Variants in PDE4C observed in about 807,000 individuals in gnomAD.
PDE4C encodes the protein phosphodiesterase 4C.
Under a neutral mutation model 63.9 loss-of-function variants are expected in PDE4C, and 50 were observed. The observed-to-expected ratio is 0.78, with a 90% CI of 0.62 to 0.99. The LOEUF (loss-of-function observed/expected upper bound fraction) is 0.99, where lower values mean the gene tolerates loss of function less well. Ranked by LOEUF, PDE4C falls within the 50% of genes least tolerant of loss-of-function variation. PDE4C has a pLI of 0.00. For synonymous variants in PDE4C, 377 were observed against 385.1 expected, an observed-to-expected ratio of 0.98 and a Z score of 0.25; for missense variants, 777 against 899.1, an observed-to-expected ratio of 0.86 and a Z score of 1.74.
Position 18,220,778 on chromosome 19 carries a change from A to G in PDE4C, c.499+96T>C, listed in dbSNP as rs759665533. ...TTTTTGCAGGGGCGGGGCTACAATT[A>G]GCCCCAGTATAAGGGGCTCATGGAC... is the stretch of plus-strand genomic sequence containing the variant. On this transcript the variant is annotated intron_variant, in intron 5 of 14. Transcript: ENST00000262805. The surrounding 1 kb of genome is among the most constrained non-coding windows in gnomAD (Gnocchi z 5.1). The G allele has an allele frequency of 2.5e-6, 3 of 1,208,566 alleles. No individual in the cohort carries two copies. The highest frequency in any genetic ancestry group is 4.8e-5 in the East Asian group (2 of 41,900). 74.9% of individuals were successfully genotyped at this position (1,208,566 alleles called of 1,614,324 possible).
chr19:18,240,281 C>A (rs1969014647), intron 1 of PDE4C, among the ~76,000 whole-genome samples: 1 of 151,510 alleles, frequency 6.6e-6, no homozygotes, highest in African/African-American at 2.4e-5. Flanking sequence ...TATAAATTAG[C>A]CAGGTGTGGT....
exon 1 of PDE4C, chr19:18,233,327 G>T: frequency 8.0e-7 from 1 of 1,248,428 alleles, no homozygotes; most frequent in Non-Finnish European, 1.1e-6. Context: ...CGCCGGAGGT[G>T]CTGAAGCGGT....
At chr19:18,244,286 T>TTTTTG (rs1300125869) in intron 1 of PDE4C, among the ~76,000 whole-genome samples, 3 of 150,998 alleles carry the variant, frequency 2.0e-5, no homozygotes, top group East Asian at 2.0e-4. Flanking sequence ...CTACCTCCCC[T>TTTTTG]TTTTGTTTTG....
chr19:18,222,302 G>A lies in PDE4C; in HGVS notation c.168C>T (p.Leu56=), dbSNP rs1173388845. ...GGTCCAGGGCCCTCCTCCCACACGAGAGCCCATTTTCCAGGTCAAAGCTGA... is the reference window on the plus strand; with the variant it reads ...GGTCCAGGGCCCTCCTCCCACACGAAAGCCCATTTTCCAGGTCAAAGCTGA... Residue 56 remains leucine (L), a synonymous_variant, in exon 2 of 15, where the codon CTC becomes CTT. Coordinates refer to ENST00000262805, the Ensembl canonical transcript of PDE4C. 9 of 1,610,862 alleles carry A rather than the reference G, an allele frequency of 5.6e-6. No homozygotes were observed. The Admixed American group carries it at 8.4e-5, about 15-fold the overall frequency.
intron 14 of PDE4C, 130 bp from the exon 15 acceptor site, chr19:18,211,406 T>C: frequency 1.3e-6 from 1 of 778,214 alleles, no homozygotes. Context: ...CTGCTCATCC[T>C]TCAAAACCCT....
downstream of PDE4C, chr19:18,210,041 G>C (rs1231643529): frequency 6.6e-6 from 1 of 151,800 alleles, no homozygotes; most frequent in Admixed American, 6.6e-5. Context: ...TTTATTTTTA[G>C]ACAGGATCTT....
At position 18,218,294 on chromosome 19, in the gene PDE4C, C is replaced by T. The variant is rs761153511; in HGVS notation, c.1134+40G>A. The T allele has an allele frequency of 1.1e-5, 18 of 1,613,148 alleles. No individual in the cohort carries two copies. In the East Asian group the frequency reaches 2.5e-4, roughly 22 times the overall value. Reference sequence around the variant, plus strand: ...GGCGGTGAGGGGCGGGTTCTCTGGGCCCTGCACCCGCCCACCTGCCTGCAG... The same window carrying T: ...GGCGGTGAGGGGCGGGTTCTCTGGGTCCTGCACCCGCCCACCTGCCTGCAG... On this transcript the variant is annotated intron_variant, in intron 10 of 14. Coordinates refer to ENST00000262805, the Ensembl canonical transcript of PDE4C.
chr19:18,233,004 G>C (rs778449807), exon 1 of PDE4C: 1 of 1,516,926 alleles, frequency 6.6e-7, no homozygotes, highest in African/African-American at 1.4e-5. Flanking sequence ...CTCCGGCCGC[G>C]GGCTCAGGTC....
intron 1 of PDE4C, among the ~76,000 whole-genome samples, chr19:18,232,024 TC>T (rs1287808274): frequency 1.3e-5 from 2 of 151,716 alleles, no homozygotes; most frequent in Non-Finnish European, 2.9e-5. Flanking sequence ...AGAAGACTCC[TC>T]CCCCCAACAC....
intron 1 of PDE4C, among the ~76,000 whole-genome samples, chr19:18,245,307 G>A (rs1969111104): frequency 6.6e-6 from 1 of 152,044 alleles, no homozygotes; most frequent in Non-Finnish European, 1.5e-5. Flanking sequence ...AGGATTACAG[G>A]TGCCTGTCAC....
At position 18,218,129 on chromosome 19, in the gene PDE4C, C is replaced by T; in HGVS notation, c.1234+20G>A. 1.3e-6 allele frequency: 2 copies of T among 1,586,940 alleles called. No homozygotes were observed. The highest frequency in any genetic ancestry group is 1.7e-6 in the Non-Finnish European group (2 of 1,155,826). ...CAGGGTCCACCTCTTCTCCTGCACC[C>T]ACTTCCCACTCCTACTTACTGGTGT... On this transcript the variant is annotated intron_variant, in intron 11 of 14. Transcript: ENST00000262805.
At chr19:18,219,434 T>A (rs1420064282) in intron 7 of PDE4C, 37 bp from the exon 8 acceptor site, 1 of 1,545,126 alleles carries the variant, frequency 6.5e-7, no homozygotes, top group African/African-American at 1.4e-5. Flanking sequence ...GAGAAGCCGA[T>A]TTCACCTGCT....
chr19:18,222,632 C>CTT (rs369848710), intron 1 of PDE4C, among the ~76,000 whole-genome samples: 3 of 126,650 alleles, frequency 2.4e-5, no homozygotes, highest in African/African-American at 8.9e-5. Flanking sequence ...TTCTCTCTTT[C>CTT]TTTTTTTTTT....
the PDE4C span, among the ~76,000 whole-genome samples, chr19:18,254,547 G>C: frequency 6.6e-6 from 1 of 152,328 alleles, no homozygotes; most frequent in South Asian, 2.1e-4. Context: ...GCTGGACTGA[G>C]CCTCAGTTTC....
chr19:18,237,617 A>T (rs1323423513), upstream of PDE4C, among the ~76,000 whole-genome samples: 2 of 151,888 alleles, frequency 1.3e-5, no homozygotes, highest in African/African-American at 4.8e-5. Context: ...TCACGCCTGT[A>T]ATCCCAGCAC....
chr19:18,213,380 G>A (rs144340208), exon 13 of PDE4C: 56 of 1,613,282 alleles, frequency 3.5e-5, no homozygotes, highest in African/African-American at 1.5e-4. Context: ...GGATTCGGTC[G>A]GAATAGTTGT....
intron 11 of PDE4C, 149 bp downstream of exon 11, chr19:18,218,000 G>C (rs1002744583): frequency 7.7e-6 from 5 of 648,784 alleles, no homozygotes; most frequent in Non-Finnish European, 1.4e-5. Flanking sequence ...CCTGCTCCAA[G>C]ACCCTGAAGG....
At chr19:18,232,889 C>A in intron 1 of PDE4C, 1 of 1,409,200 alleles carries the variant, frequency 7.1e-7, no homozygotes, top group Non-Finnish European at 9.2e-7. Context: ...CTCCCCCACT[C>A]CCGCCAGGCC....
upstream of PDE4C, among the ~76,000 whole-genome samples, chr19:18,251,822 T>G (rs1028915615): frequency 6.6e-6 from 1 of 151,834 alleles, no homozygotes; most frequent in Non-Finnish European, 1.5e-5. Flanking sequence ...ATGTATAACC[T>G]GTCTCCCCAC....
Sources: allele counts gnomAD v4.1 joint callset (sites outside exome capture counted in the v4.1 genomes callset), GRCh38; gene constraint gnomAD v4.1.1; non-coding constraint Gnocchi (gnomAD v3.1); transcripts MANE v1.5; gene names NCBI Gene and HGNC (gene_info 2026-07-23, HGNC 2026-07-21).